Variants in TMPRSS15 observed in about 807,000 individuals in gnomAD.
The protein encoded by TMPRSS15 is transmembrane serine protease 15, also known as enteropeptidase.
TMPRSS15 carries 128 observed loss-of-function variants against 125.3 expected under a neutral mutation model. The observed-to-expected ratio is 1.02, with a 90% CI of 0.89 to 1.18. TMPRSS15 has a LOEUF of 1.18. TMPRSS15 is among the 50% of genes most tolerant of loss of function. The pLI is 0.00. For missense variants in TMPRSS15, 1,283 were observed against 1,212.7 expected, an observed-to-expected ratio of 1.06 and a Z score of -0.86; for synonymous variants, 446 against 423.2, an observed-to-expected ratio of 1.05 and a Z score of -0.66.
intron 6 of TMPRSS15, 141 bp from the exon 7 acceptor site, chr21:18,365,389 G>T (rs1325751695): frequency 1.3e-6 from 1 of 751,954 alleles, no homozygotes; most frequent in African/African-American, 1.7e-5. Context: ...TTTCATGTTT[G>T]AAACCTATTA....
chr21:18,276,356 A>G (rs2146858509), intron 23 of TMPRSS15, among the ~76,000 whole-genome samples: 1 of 152,334 alleles, frequency 6.6e-6, no homozygotes. Flanking sequence ...ACAATGATCA[A>G]TTTCAAGGTA....
At chr21:18,337,821 C>T (rs1027884389) in intron 13 of TMPRSS15, among the ~76,000 whole-genome samples, 1 of 152,130 alleles carries the variant, frequency 6.6e-6, no homozygotes, top group Non-Finnish European at 1.5e-5. Flanking sequence ...ACCAAAAAAG[C>T]TCTACTCAAA....
Position 18,294,296 on chromosome 21 carries a change from C to A in TMPRSS15, c.2460G>T (p.Leu820=). The A allele has an allele frequency of 1.9e-6, 3 of 1,614,232 alleles. No homozygotes were observed. Among genetic ancestry groups the A allele is most frequent in the Non-Finnish European group, 2.5e-6 (3 of 1,180,046 alleles). ...CATACACGCAGTGTGCGGCGGACAC[C>A]AGCCAGTCACTGCTGACGAGAGATG... ...CGASLVSSDW[L]VSAAHCVYGR... Residue 820 remains leucine (L), a synonymous_variant, in exon 21 of 25, where the codon CTG becomes CTT. Transcript: ENST00000284885.
chr21:18,419,441 G>A (rs1301430243), intron 1 of TMPRSS15, among the ~76,000 whole-genome samples: 1 of 151,978 alleles, frequency 6.6e-6, no homozygotes, highest in African/African-American at 2.4e-5. Flanking sequence ...TAGACCGGAT[G>A]GTCTCGATCT....
Position 18,281,208 on chromosome 21 carries a change from G to T in TMPRSS15, c.2500C>A (p.Pro834Thr), listed in dbSNP as rs2074694794. 1 of 1,613,850 alleles carries T rather than the reference G, an allele frequency of 6.2e-7. No individual in the cohort carries two copies. The highest frequency in any genetic ancestry group is 1.1e-5 in the South Asian group (1 of 91,070). Residue 834 changes from proline (P) to threonine (T), a missense_variant, in exon 22 of 25, where the codon CCA becomes ACA. Transcript: ENST00000284885. ...CCTAGGATTGCTGTCCACTTGGATG[G>T]CTCTAAGTTTCTCCTGAAAATTGTA... is the stretch of plus-strand genomic sequence containing the variant. ...AHCVYGRNLE[P>T]SKWTAILGLH...
chr21:18,344,012 A>G lies in TMPRSS15; in HGVS notation c.1220T>C (p.Val407Ala). 2 of 1,614,004 alleles carry G rather than the reference A, an allele frequency of 1.2e-6. No homozygotes were observed. Among genetic ancestry groups the G allele is most frequent in the Non-Finnish European group, 8.5e-7 (1 of 1,180,004 alleles). Residue 407 changes from valine (V) to alanine (A), a missense_variant, in exon 11 of 25, where the codon GTG becomes GCG. By Grantham distance (64) the Val-to-Ala change is moderately conservative. Coordinates refer to ENST00000284885, the MANE Select transcript of TMPRSS15 (RefSeq NM_002772.3). Reference sequence around the variant, plus strand: ...GTCCAAAGGGAGGCTTAAAAGCCCCACTCGTTCTTGTCTCCCTCCTGGTCC... The same window carrying G: ...GTCCAAAGGGAGGCTTAAAAGCCCCGCTCGTTCTTGTCTCCCTCCTGGTCC... ...PTGPGGRQERVGLLSLPLDPT... is the reference protein window; with the variant it reads ...PTGPGGRQERAGLLSLPLDPT...
intron 1 of TMPRSS15, among the ~76,000 whole-genome samples, chr21:18,441,808 A>G (rs1000219468): frequency 6.6e-6 from 1 of 151,280 alleles, no homozygotes; most frequent in South Asian, 2.1e-4. Context: ...CTCCTGCCTC[A>G]GCCTCCTGAG....
At chr21:18,439,574 TAGCATTGG>T (rs1237696399) in intron 1 of TMPRSS15, among the ~76,000 whole-genome samples, 1 of 152,204 alleles carries the variant, frequency 6.6e-6, no homozygotes, top group Non-Finnish European at 1.5e-5. Context: ...CCAATTCAAA[TAGCATTGG>T]TCATCGTGTT....
intron 18 of TMPRSS15, among the ~76,000 whole-genome samples, chr21:18,305,308 C>A (rs1019755548): frequency 6.6e-6 from 1 of 151,216 alleles, no homozygotes; most frequent in Non-Finnish European, 1.5e-5. Flanking sequence ...CCTGCCTCAG[C>A]CTCCCGAGTA....
At position 18,294,598 on chromosome 21, in the gene TMPRSS15, C is replaced by A. The variant is rs772863412; in HGVS notation, c.2311+5G>T. On this transcript the variant is annotated splice_donor_5th_base_variant and intron_variant, in intron 20 of 24. Coordinates refer to ENST00000284885, the MANE Select transcript of TMPRSS15 (RefSeq NM_002772.3). ...GAAGTGGGATATGACAACATATTTA[C>A]TTACATTTATGGTTACACTGTAACC... is the stretch of plus-strand genomic sequence containing the variant. 1.2e-6 allele frequency: 2 copies of A among 1,610,460 alleles called. No individual in the cohort carries two copies. Among genetic ancestry groups the A allele is most frequent in the South Asian group, 2.2e-5 (2 of 90,990 alleles).
At chr21:18,331,965 G>T in intron 14 of TMPRSS15, 119 bp downstream of exon 14, 1 of 802,908 alleles carries the variant, frequency 1.2e-6, no homozygotes, top group Non-Finnish European at 2.2e-6. Context: ...AATCTTATAG[G>T]TAGACATGAT....
intron 10 of TMPRSS15, among the ~76,000 whole-genome samples, chr21:18,345,599 G>C (rs1206878079): frequency 1.4e-5 from 2 of 147,338 alleles, no homozygotes; most frequent in African/African-American, 5.0e-5. Context: ...AAATTAGCTG[G>C]GCGTGGTGGC....
chr21:18,483,565 T>C (rs926990), intron 1 of TMPRSS15, among the ~76,000 whole-genome samples: 96,627 of 151,654 alleles, frequency 0.64, 32,809 homozygotes, highest in East Asian at 0.93. Flanking sequence ...TAGAAAATTA[T>C]AAATACAAGC....
intron 3 of TMPRSS15, among the ~76,000 whole-genome samples, chr21:18,386,552 A>T (rs2075945691): frequency 6.6e-6 from 1 of 152,168 alleles, no homozygotes; most frequent in Non-Finnish European, 1.5e-5. Context: ...CAAAAGATAG[A>T]GCACTGCCTT....
intron 1 of TMPRSS15, among the ~76,000 whole-genome samples, chr21:18,472,565 T>C (rs556159287): frequency 3.3e-5 from 5 of 151,830 alleles, no homozygotes; most frequent in African/African-American, 1.2e-4. Flanking sequence ...AGAACTAGCT[T>C]AAAATAATTT....
intron 5 of TMPRSS15, 125 bp downstream of exon 5, chr21:18,379,158 T>C (rs1240468215): frequency 2.6e-6 from 1 of 391,290 alleles, no homozygotes. Context: ...TGCTCTTGAT[T>C]TCTTGTCTAT....
chr21:18,398,646 G>A (rs148651098), intron 1 of TMPRSS15, among the ~76,000 whole-genome samples: 3 of 152,074 alleles, frequency 2.0e-5, no homozygotes, highest in East Asian at 1.9e-4. Flanking sequence ...GAAGATACAC[G>A]GACTGATGAA....
intron 21 of TMPRSS15, among the ~76,000 whole-genome samples, chr21:18,293,078 C>G (rs2074858156): frequency 6.6e-6 from 1 of 152,110 alleles, no homozygotes. Flanking sequence ...TCCTTTTTCT[C>G]CAAAGTCCTG....
intron 23 of TMPRSS15, among the ~76,000 whole-genome samples, chr21:18,278,159 G>T (rs1045981678): frequency 6.6e-6 from 1 of 152,080 alleles, no homozygotes; most frequent in African/African-American, 2.4e-5. Context: ...TGAGTGTGAG[G>T]CCTTCACATT....
Sources: allele counts gnomAD v4.1 joint callset (sites outside exome capture counted in the v4.1 genomes callset), GRCh38; gene constraint gnomAD v4.1.1; transcripts MANE v1.5; gene names NCBI Gene and HGNC (gene_info 2026-07-23, HGNC 2026-07-21).